Variants in RHBDL3 observed in about 807,000 individuals in gnomAD.
RHBDL3 encodes rhomboid-related protein 3.
A neutral mutation model predicts 48.2 loss-of-function variants in RHBDL3; 28 were observed. The ratio of observed to expected loss-of-function variants is 0.58; its 90% CI spans 0.43 to 0.80. The LOEUF is 0.80. Among genes scored for constraint, RHBDL3 ranks in the 30% least tolerant of loss-of-function variants. The pLI, the probability that RHBDL3 is intolerant of heterozygous loss-of-function variation, is 0.00. For missense variants in RHBDL3, 464 were observed against 542.7 expected (o/e 0.85, Z 1.44); for synonymous variants, 208 against 232.3 (o/e 0.90, Z 0.95).
At chr17:32,289,390 C>G (rs1021949501) in intron 4 of RHBDL3, among the ~76,000 whole-genome samples, 3 of 152,160 alleles carry the variant, frequency 2.0e-5, no homozygotes, top group African/African-American at 7.2e-5. Flanking sequence ...TATTTAGTTC[C>G]TCCCTAGGTG....
intron 5 of RHBDL3, among the ~76,000 whole-genome samples, chr17:32,296,331 C>CTTTTTTTT (rs5819975): frequency 1.2e-5 from 1 of 83,806 alleles, no homozygotes; most frequent in Non-Finnish European, 2.3e-5. Flanking sequence ...GAATAGGTCT[C>CTTTTTTTT]TTTTTTTTTT....
chr17:32,267,890 CCT>C lies in RHBDL3; in HGVS notation c.112-7_112-6del. On this transcript the variant is annotated splice_polypyrimidine_tract_variant and intron_variant, in intron 1 of 8. Coordinates refer to ENST00000269051, the MANE Select transcript of RHBDL3 (RefSeq NM_138328.3). The stretch of plus-strand genomic sequence containing the variant: ...TCTTCTTCCTCTCCTGCATGGCCTC[CCT>C]CTCTGCCAGCACTGGAAAGTCCTGT... The C allele has an allele frequency of 1.2e-6, 2 of 1,613,876 alleles. No individual in the cohort carries two copies. The highest frequency in any genetic ancestry group is 2.7e-5 in the African/African-American group (2 of 74,996).
chr17:32,281,668 C>T (rs955296005), intron 2 of RHBDL3, among the ~76,000 whole-genome samples: 1 of 152,184 alleles, frequency 6.6e-6, no homozygotes, highest in Non-Finnish European at 1.5e-5. Flanking sequence ...ACAGACCCTC[C>T]CTGGCTGTGG....
chr17:32,308,618 A>AAAAG (rs1192578654), intron 7 of RHBDL3, among the ~76,000 whole-genome samples: 2 of 152,206 alleles, frequency 1.3e-5, no homozygotes, highest in South Asian at 2.1e-4. Context: ...TGTCTCAAAA[A>AAAAG]AAAGAAAGAA....
At chr17:32,267,430 T>TG (rs200339559) in intron 1 of RHBDL3, among the ~76,000 whole-genome samples, 2,733 of 120,360 alleles carry the variant, frequency 0.023, 142 homozygotes, top group African/African-American at 0.08. Flanking sequence ...TGAGTTCTCC[T>TG]GGGGGGGGAG....
At chr17:32,266,392 T>G in intron 1 of RHBDL3, 92 bp downstream of exon 1, 1 of 627,538 alleles carries the variant, frequency 1.6e-6, no homozygotes, top group South Asian at 2.5e-5. Context: ...AACTTGGAGG[T>G]TTCAGGGTGA....
chr17:32,285,357 C>T (rs2040172248), intron 3 of RHBDL3, among the ~76,000 whole-genome samples: 1 of 151,724 alleles, frequency 6.6e-6, no homozygotes. Context: ...TGAAGGGCTG[C>T]GAGTAGGTAG....
At chr17:32,295,988 G>A (rs1422508472) in intron 5 of RHBDL3, among the ~76,000 whole-genome samples, 1 of 151,986 alleles carries the variant, frequency 6.6e-6, no homozygotes, top group Non-Finnish European at 1.5e-5. Context: ...GCACTTTGGG[G>A]GGCCAAGGCA....
chr17:32,280,039 C>G (rs1024926667), intron 2 of RHBDL3, among the ~76,000 whole-genome samples: 1 of 152,146 alleles, frequency 6.6e-6, no homozygotes, highest in Non-Finnish European at 1.5e-5. Context: ...TAGGGTCGGA[C>G]GCTGGGTGCT....
At chr17:32,290,392 C>G (rs188020259) in intron 4 of RHBDL3, among the ~76,000 whole-genome samples, 5 of 152,196 alleles carry the variant, frequency 3.3e-5, no homozygotes, top group Admixed American at 2.6e-4. Context: ...TCAAGAGGAG[C>G]AATTTTGTGT....
At chr17:32,313,751 C>CTTTTTTTTTT (rs559422433) in intron 7 of RHBDL3, among the ~76,000 whole-genome samples, 15 of 98,630 alleles carry the variant, frequency 1.5e-4, no homozygotes, top group Admixed American at 2.8e-4. Flanking sequence ...AATTCCCTCC[C>CTTTTTTTTTT]TTTTTTTTTT....
chr17:32,310,753 G>A (rs1159499624), intron 7 of RHBDL3, among the ~76,000 whole-genome samples: 3 of 151,740 alleles, frequency 2.0e-5, no homozygotes, highest in East Asian at 1.9e-4. Flanking sequence ...GCGTGGTGGC[G>A]GGCACCTGTG....
intron 7 of RHBDL3, 122 bp from the exon 8 acceptor site, chr17:32,316,110 C>A: frequency 1.4e-6 from 1 of 732,904 alleles, no homozygotes; most frequent in South Asian, 1.7e-5. Flanking sequence ...GCTACTAAGC[C>A]ACAACCCTCT....
At chr17:32,274,503 T>C (rs1393823691) in intron 2 of RHBDL3, among the ~76,000 whole-genome samples, 1 of 152,206 alleles carries the variant, frequency 6.6e-6, no homozygotes, top group Non-Finnish European at 1.5e-5. Context: ...TCTAACTGCA[T>C]GCTTATAAAT....
At chr17:32,299,170 T>A (rs1276133128) in intron 6 of RHBDL3, among the ~76,000 whole-genome samples, 1 of 152,046 alleles carries the variant, frequency 6.6e-6, no homozygotes, top group African/African-American at 2.4e-5. Flanking sequence ...ATTAAAGTTG[T>A]CATCAGGAGA....
chr17:32,278,322 C>T (rs1175738105), intron 2 of RHBDL3, among the ~76,000 whole-genome samples: 1 of 152,014 alleles, frequency 6.6e-6, no homozygotes, highest in African/African-American at 2.4e-5. Context: ...AACTCAGGGG[C>T]TATGTTTCAT....
chr17:32,310,740 C>T (rs984607621), intron 7 of RHBDL3, among the ~76,000 whole-genome samples: 1 of 150,862 alleles, frequency 6.6e-6, no homozygotes, highest in Non-Finnish European at 1.5e-5. Context: ...AAAAATTAGC[C>T]AGGCGTGGTG....
intron 6 of RHBDL3, among the ~76,000 whole-genome samples, chr17:32,303,983 G>A (rs2040649413): frequency 6.6e-6 from 1 of 152,200 alleles, no homozygotes; most frequent in African/African-American, 2.4e-5. Context: ...ACCCAGGCCA[G>A]CCACCTCTCA....
At chr17:32,289,685 T>C (rs1465050055) in intron 4 of RHBDL3, among the ~76,000 whole-genome samples, 1 of 152,242 alleles carries the variant, frequency 6.6e-6, no homozygotes, top group African/African-American at 2.4e-5. Context: ...CCTTGCTGCG[T>C]TGGTGCCCAT....
Sources: allele counts gnomAD v4.1 joint callset (sites outside exome capture counted in the v4.1 genomes callset), GRCh38; gene constraint gnomAD v4.1.1; transcripts MANE v1.5; gene names NCBI Gene and HGNC (gene_info 2026-07-23, HGNC 2026-07-21).